The following CUL5 variants were observed in gnomAD, a reference collection of about 807,000 sequenced individuals.
CUL5 encodes cullin 5.
A neutral mutation model predicts 108.8 loss-of-function variants in CUL5; 26 were observed. That is an observed-to-expected ratio of 0.24 (90% CI 0.18 to 0.33). The LOEUF (loss-of-function observed/expected upper bound fraction) is 0.33, where lower values mean the gene tolerates loss of function less well. CUL5 is among the 10% of genes least tolerant of loss of function. CUL5 has a pLI of 1.00. For synonymous variants in CUL5, 334 were observed against 298.0 expected, an observed-to-expected ratio of 1.12 and a Z score of -1.25; for missense variants, 524 against 909.2, an observed-to-expected ratio of 0.58 and a Z score of 5.45.
At chr11:108,073,636 C>G (rs919727990) in intron 10 of CUL5, 139 bp downstream of exon 10, 3 of 423,828 alleles carry the variant, frequency 7.1e-6, no homozygotes, top group South Asian at 7.8e-5. Context: ...CAGTGGAGAA[C>G]AACTATATTC....
intron 1 of CUL5, among the ~76,000 whole-genome samples, chr11:108,028,212 C>T (rs1048198982): frequency 6.6e-6 from 1 of 152,204 alleles, no homozygotes; most frequent in African/African-American, 2.4e-5. Context: ...TGTAATACAT[C>T]TAAAACCAGT....
chr11:108,074,080 T>C (rs191083325), intron 10 of CUL5: 1 of 152,290 alleles, frequency 6.6e-6, no homozygotes, highest in East Asian at 1.9e-4. Flanking sequence ...CTGTTAGTTT[T>C]TTCTCTTCTT....
chr11:108,062,332 A>C (rs1053936455), intron 7 of CUL5, among the ~76,000 whole-genome samples: 1 of 152,104 alleles, frequency 6.6e-6, no homozygotes, highest in African/African-American at 2.4e-5. Flanking sequence ...ACCTTTTACA[A>C]ATTGCTACAC....
At chr11:108,019,906 G>T (rs867507493) in intron 1 of CUL5, among the ~76,000 whole-genome samples, 1 of 152,124 alleles carries the variant, frequency 6.6e-6, no homozygotes, top group Non-Finnish European at 1.5e-5. Context: ...AGGTGAAAGG[G>T]ATCCTGTGTG....
At chr11:108,023,747 A>G (rs975672694) in intron 1 of CUL5, among the ~76,000 whole-genome samples, 4 of 152,206 alleles carry the variant, frequency 2.6e-5, no homozygotes, top group African/African-American at 2.4e-5. Flanking sequence ...TGTCAGTTTT[A>G]TTATTCTTGC....
chr11:108,014,288 AAGC>A (rs1474862440), intron 1 of CUL5, among the ~76,000 whole-genome samples: 3 of 152,186 alleles, frequency 2.0e-5, no homozygotes, highest in Non-Finnish European at 4.4e-5. Flanking sequence ...GCTGCAGTGT[AAGC>A]AGGGCTGCAT....
chr11:108,042,542 A>AT lies in CUL5; in HGVS notation c.135-3720dup, dbSNP rs544953008. Among the ~76,000 whole-genome samples the AT allele has an allele frequency of 8.6e-4, 131 of 151,460 alleles. 2 individuals are homozygous for AT. In the South Asian group the frequency reaches 0.011, roughly 13 times the overall value. Reference sequence around the variant, plus strand: ...TGGCCCACAATTCTATATACTGTCGATTTTTTTTGATAAAATATCCTCTCT... The same window carrying AT: ...TGGCCCACAATTCTATATACTGTCGATTTTTTTTTGATAAAATATCCTCTCT... On this transcript the variant is annotated intron_variant, in intron 2 of 18. Coordinates refer to ENST00000393094, the MANE Select transcript of CUL5 (RefSeq NM_003478.6).
At chr11:108,089,243 A>G (rs1864294360) in intron 12 of CUL5, among the ~76,000 whole-genome samples, 1 of 152,162 alleles carries the variant, frequency 6.6e-6, no homozygotes, top group South Asian at 2.1e-4. Context: ...ATATCGTTGC[A>G]TTTTATACAA....
At chr11:108,052,561 C>G in intron 4 of CUL5, 99 bp from the exon 5 acceptor site, 2 of 1,135,852 alleles carry the variant, frequency 1.8e-6, no homozygotes, top group South Asian at 1.6e-5. Context: ...TGCACCTGGC[C>G]CAGGCCTACA....
At chr11:108,095,939 T>C (rs1051104058) in intron 16 of CUL5, among the ~76,000 whole-genome samples, 23 of 150,246 alleles carry the variant, frequency 1.5e-4, no homozygotes, top group Non-Finnish European at 3.0e-4. Flanking sequence ...CTACTAAAAA[T>C]ACAAAAATTA....
chr11:108,025,382 G>T (rs918562212), intron 1 of CUL5, among the ~76,000 whole-genome samples: 1 of 152,058 alleles, frequency 6.6e-6, no homozygotes, highest in Non-Finnish European at 1.5e-5. Flanking sequence ...TGTTTTAGGG[G>T]CTTGATTTTA....
intron 5 of CUL5, among the ~76,000 whole-genome samples, chr11:108,054,298 T>G (rs2135138968): frequency 6.6e-6 from 1 of 152,366 alleles, no homozygotes; most frequent in South Asian, 2.1e-4. Flanking sequence ...TTCTGAATAT[T>G]TACTTACCTT....
chr11:108,100,098 A>T (rs1323066704), intron 18 of CUL5, among the ~76,000 whole-genome samples: 1 of 128,084 alleles, frequency 7.8e-6, no homozygotes, highest in East Asian at 2.4e-4. Flanking sequence ...TTGGAATTTT[A>T]CAAATTGTTT....
chr11:108,033,100 G>C (rs1463363425), intron 1 of CUL5, among the ~76,000 whole-genome samples: 1 of 152,158 alleles, frequency 6.6e-6, no homozygotes, highest in East Asian at 1.9e-4. Context: ...AAAGGATTCA[G>C]ATAAAATCAG....
chr11:108,097,607 G>A, intron 16 of CUL5, 29 bp from the exon 17 acceptor site: 1 of 1,248,924 alleles, frequency 8.0e-7, no homozygotes, highest in Non-Finnish European at 1.2e-6. Context: ...GTTTATAGAT[G>A]CTAATTGTTT....
In CUL5 at chr11:108,094,655, AGT is replaced by A. The variant is rs1864444837; in HGVS notation, c.1567+146_1567+147del. Reference sequence around the variant, plus strand: ...TTTCCGTGGAGACAGCTATCAAAGCAGTGTGTTAGATTTACAGATCTTTATTT... The same window carrying A: ...TTTCCGTGGAGACAGCTATCAAAGCAGTGTTAGATTTACAGATCTTTATTT... On this transcript the variant is annotated intron_variant, in intron 14 of 18. Transcript: ENST00000393094. The A allele has an allele frequency of 7.8e-6, 6 of 768,916 alleles. No homozygotes were observed. The South Asian group carries it at 1.2e-4, about 15-fold the overall frequency. The allele number at this position is 768,916 out of a possible 1,614,324, so 47.6% of individuals were successfully genotyped here. A position where few individuals can be genotyped will look rare whatever the true frequency, so the allele number is the denominator to read the frequency against.
intron 2 of CUL5, among the ~76,000 whole-genome samples, chr11:108,036,625 C>G (rs1471450222): frequency 6.6e-6 from 1 of 152,092 alleles, no homozygotes; most frequent in Non-Finnish European, 1.5e-5. Flanking sequence ...CTACAGGTAC[C>G]CACCACTGTG....
intron 1 of CUL5, 152 bp downstream of exon 1, chr11:108,009,524 A>C: frequency 2.5e-6 from 2 of 791,412 alleles, no homozygotes; most frequent in Non-Finnish European, 4.1e-6. Context: ...CGAGTACCGG[A>C]ACGCGGGTCT....
chr11:108,035,703 C>T (rs1009689218), intron 2 of CUL5, among the ~76,000 whole-genome samples: 1 of 151,376 alleles, frequency 6.6e-6, no homozygotes, highest in African/African-American at 2.4e-5. Context: ...TGCAGCAAGC[C>T]GTGACTGTGC....
Sources: gnomAD v4.1 joint callset for allele counts (sites outside exome capture counted in the v4.1 genomes callset) on GRCh38, gnomAD v4.1.1 for gene constraint, MANE v1.5 for transcripts, NCBI Gene and HGNC (gene_info 2026-07-23, HGNC 2026-07-21) for gene names.